CPEB2: variants seen among roughly 807,000 people sequenced by gnomAD.
The protein encoded by CPEB2 is cytoplasmic polyadenylation element-binding protein 2.
Under a neutral mutation model 93.6 loss-of-function variants are expected in CPEB2, and 56 were observed. That is an observed-to-expected ratio of 0.60 (90% CI 0.48 to 0.75). CPEB2 has a LOEUF of 0.75. Ranked by LOEUF, CPEB2 falls within the 30% of genes least tolerant of loss-of-function variation. The pLI is 0.00. For missense variants in CPEB2, 1,579 were observed against 1,395.1 expected (o/e 1.13, Z -2.10); for synonymous variants, 764 against 586.3 (o/e 1.30, Z -4.38).
chr4:15,002,620 C>T lies in CPEB2; in HGVS notation c.-54C>T. 2 of 1,409,316 alleles carry T rather than the reference C, an allele frequency of 1.4e-6. No homozygotes were observed. Among genetic ancestry groups the T allele is most frequent in the Non-Finnish European group, 1.9e-6 (2 of 1,074,458 alleles). The allele number at this position is 1,409,316 out of a possible 1,614,324, so 87.3% of individuals were successfully genotyped here. On this transcript the variant is annotated 5_prime_UTR_variant, in exon 1 of 12. Transcript: ENST00000538197. ...GCGCAACCCCAGCGCCGGCGGCTTC[C>T]TAGGTGGGGCAGGGGACGAGGAGCG...
intron 6 of CPEB2, among the ~76,000 whole-genome samples, chr4:15,045,453 A>C (rs150380973): frequency 1.3e-5 from 2 of 152,204 alleles, no homozygotes; most frequent in East Asian, 3.9e-4. Context: ...GACTCATGGG[A>C]GTAGCATTTT....
At position 15,066,489 on chromosome 4, in the gene CPEB2, C is replaced by A; in HGVS notation, c.*109C>A. The A allele has an allele frequency of 1.3e-6, 1 of 772,388 alleles. No individual in the cohort carries two copies. Among genetic ancestry groups the A allele is most frequent in the Non-Finnish European group, 2.1e-6 (1 of 468,738 alleles). The allele number at this position is 772,388 out of a possible 1,614,324, so 47.8% of individuals were successfully genotyped here. On this transcript the variant is annotated 3_prime_UTR_variant, in exon 12 of 12. Coordinates refer to ENST00000538197, the MANE Select transcript of CPEB2 (RefSeq NM_001177382.2). ...AATAAGTGCATTCTTCTGCTTTTCA[C>A]CCCAGCTATCAATACATGCATCTTT...
intron 3 of CPEB2, among the ~76,000 whole-genome samples, chr4:15,014,041 C>T (rs1209874498): frequency 6.6e-6 from 1 of 152,026 alleles, no homozygotes; most frequent in Non-Finnish European, 1.5e-5. Flanking sequence ...AAGGATGTTT[C>T]TCTTTCATAC....
At chr4:15,046,216 G>A (rs1207385070) in intron 6 of CPEB2, among the ~76,000 whole-genome samples, 2 of 152,088 alleles carry the variant, frequency 1.3e-5, no homozygotes, top group Non-Finnish European at 2.9e-5. Flanking sequence ...TAGAGTATGA[G>A]ACTGTGTTGG....
chr4:15,036,134 C>A (rs1726579742), intron 5 of CPEB2, among the ~76,000 whole-genome samples: 1 of 152,034 alleles, frequency 6.6e-6, no homozygotes, highest in East Asian at 1.9e-4. Context: ...TCTGGCAAAT[C>A]CTTAACTCTA....
At chr4:15,028,684 G>C (rs1289512844) in intron 4 of CPEB2, among the ~76,000 whole-genome samples, 1 of 151,636 alleles carries the variant, frequency 6.6e-6, no homozygotes, top group African/African-American at 2.4e-5. Context: ...TTAAAGACCT[G>C]AATGAAGTGA....
chr4:15,065,610 C>T (rs971308757), intron 11 of CPEB2, among the ~76,000 whole-genome samples: 1 of 152,100 alleles, frequency 6.6e-6, no homozygotes, highest in Admixed American at 6.6e-5. Context: ...CTGAAGTGTT[C>T]TGCCAAGTCA....
chr4:15,061,769 G>C (rs1729209533), intron 10 of CPEB2, among the ~76,000 whole-genome samples: 1 of 144,092 alleles, frequency 6.9e-6, no homozygotes, highest in Non-Finnish European at 1.5e-5. Context: ...AGAGTGTATG[G>C]GATCTAGTAT....
At chr4:15,006,349 C>G (rs1025594267) in intron 1 of CPEB2, 1 of 151,666 alleles carries the variant, frequency 6.6e-6, no homozygotes, top group Non-Finnish European at 1.5e-5. Flanking sequence ...ACTTCTTTAG[C>G]TACATCTTAA....
chr4:15,064,744 TA>T (rs1389658817), intron 11 of CPEB2, among the ~76,000 whole-genome samples: 3 of 152,160 alleles, frequency 2.0e-5, no homozygotes, highest in Admixed American at 6.6e-5. Context: ...ATGGAGTTTA[TA>T]ATTCAGTGAG....
At position 15,066,452 on chromosome 4, in the gene CPEB2, A is replaced by G. The variant is rs1729715394; in HGVS notation, c.*72A>G. On this transcript the variant is annotated 3_prime_UTR_variant, in exon 12 of 12. Coordinates refer to ENST00000538197, the MANE Select transcript of CPEB2 (RefSeq NM_001177382.2). The stretch of plus-strand genomic sequence containing the variant: ...TGGCTTACTGTGTCTGAAGATACTG[A>G]CATGCAGAAGAAATAAGTGCATTCT... 2 of 1,089,906 alleles carry G rather than the reference A, an allele frequency of 1.8e-6. No individual in the cohort carries two copies. The highest frequency in any genetic ancestry group is 2.7e-6 in the Non-Finnish European group (2 of 732,430). 67.5% of individuals were successfully genotyped at this position (1,089,906 alleles called of 1,614,324 possible). A position where few individuals can be genotyped will look rare whatever the true frequency, so the allele number is the denominator to read the frequency against.
intron 5 of CPEB2, among the ~76,000 whole-genome samples, chr4:15,033,987 A>T (rs1481420656): frequency 6.6e-6 from 1 of 152,210 alleles, no homozygotes; most frequent in Non-Finnish European, 1.5e-5. Context: ...CTGAAATAAG[A>T]TGGCAATGAA....
At chr4:15,051,473 T>G (rs1728211094) in intron 6 of CPEB2, among the ~76,000 whole-genome samples, 1 of 152,230 alleles carries the variant, frequency 6.6e-6, no homozygotes, top group Non-Finnish European at 1.5e-5. Context: ...GAAAATTTAC[T>G]GAAAACCATG....
chr4:15,013,704 A>T (rs1456844899), intron 3 of CPEB2, among the ~76,000 whole-genome samples: 1 of 152,096 alleles, frequency 6.6e-6, no homozygotes, highest in Non-Finnish European at 1.5e-5. Flanking sequence ...AAATTCAAAA[A>T]GCAATTTTGA....
At chr4:15,007,257 T>C in intron 1 of CPEB2, 48 bp from the exon 2 acceptor site, 1 of 1,388,228 alleles carries the variant, frequency 7.2e-7, no homozygotes, top group African/African-American at 1.5e-5. Flanking sequence ...TGAATTTGAA[T>C]TGTAAATTCT....
rs894450558 is a variant in CPEB2, at chr4:15,050,416, A to G, written c.2201-1998A>G. On this transcript the variant is annotated intron_variant, in intron 6 of 11. Coordinates refer to ENST00000538197, the MANE Select transcript of CPEB2 (RefSeq NM_001177382.2). ...GTTGGGGATCGCTGCTATAGATTAT[A>G]TGCATTGTCTCCTATCCAAAAAAAT... Among the ~76,000 whole-genome samples the G allele has an allele frequency of 2.0e-5, 3 of 152,192 alleles. No homozygotes were observed. The East Asian group carries it at 5.8e-4, about 29-fold the overall frequency.
In CPEB2 at chr4:15,003,079, C is replaced by T. The variant is rs1003366790; in HGVS notation, c.406C>T (p.Pro136Ser). The T allele has an allele frequency of 6.5e-7, 1 of 1,529,152 alleles. No homozygotes were observed. The highest frequency in any genetic ancestry group is 1.4e-5 in the African/African-American group (1 of 72,248). The allele number at this position is 1,529,152 out of a possible 1,614,324, so 94.7% of individuals were successfully genotyped here. The change falls in exon 1 of 12, where the codon CCC becomes TCC. Residue 136 changes from proline to serine, a missense_variant. Physicochemically the swap from Pro to Ser is moderately conservative, Grantham distance 74. Around this residue, in one of 2 missense-constraint regions of CPEB2, gnomAD observed 1,411 missense variants for 1,056.0 expected, o/e 1.34. Transcript: ENST00000538197. Reference sequence around the variant, plus strand: ...GATCGCGGGTGTGACCCACCTCCTCCCCTCCCAGGACTTCAAACCGAGTCT... The same window carrying T: ...GATCGCGGGTGTGACCCACCTCCTCTCCTCCCAGGACTTCAAACCGAGTCT... ...GTIAGVTHLL[P>S]SQDFKPSLHH...
chr4:15,045,282 C>A (rs1486306006), intron 6 of CPEB2, among the ~76,000 whole-genome samples: 1 of 152,082 alleles, frequency 6.6e-6, no homozygotes, highest in Non-Finnish European at 1.5e-5. Context: ...GATGTTTTAT[C>A]TGTATTTTCT....
At chr4:15,022,860 G>T (rs904638679) in intron 4 of CPEB2, among the ~76,000 whole-genome samples, 74 of 152,024 alleles carry the variant, frequency 4.9e-4, no homozygotes, top group African/African-American at 1.8e-3. Context: ...TGATAAAAAT[G>T]TGGTTGTGAA....
Sources: gnomAD v4.1 joint callset for allele counts (sites outside exome capture counted in the v4.1 genomes callset) on GRCh38, gnomAD v4.1.1 for gene constraint, gnomAD v4.1.1 regional missense constraint, MANE v1.5 for transcripts, NCBI Gene and HGNC (gene_info 2026-07-23, HGNC 2026-07-21) for gene names.